FGGY: variants seen among roughly 807,000 people sequenced by gnomAD.
FGGY encodes the protein FGGY carbohydrate kinase domain containing, also known as FGGY carbohydrate kinase domain-containing protein.
A neutral mutation model predicts 71.3 loss-of-function variants in FGGY; 72 were observed. That is an observed-to-expected ratio of 1.01 (90% CI 0.84 to 1.23). The LOEUF (loss-of-function observed/expected upper bound fraction) is 1.23, where lower values mean the gene tolerates loss of function less well. FGGY is among the 50% of genes most tolerant of loss of function. FGGY has a pLI of 0.00. For missense variants in FGGY, 668 were observed against 682.3 expected, an observed-to-expected ratio of 0.98 and a Z score of 0.23; for synonymous variants, 251 against 250.3, an observed-to-expected ratio of 1.00 and a Z score of -0.02.
In FGGY at chr1:59,554,132, G is replaced by A. The variant is rs1181120907; in HGVS notation, c.808G>A (p.Gly270Arg). The A allele has an allele frequency of 2.2e-5, 36 of 1,606,082 alleles. No individual in the cohort carries two copies. Among genetic ancestry groups the A allele is most frequent in the Non-Finnish European group, 3.0e-5 (35 of 1,173,532 alleles). ...DAHAGGLGVI[G>R]ADVRGHGLIC... Reference sequence around the variant, plus strand: ...GTTTTCCTTTCTCACAGGAGTGATTGGGGCAGATGTGAGAGGGCACGGCCT... The same window carrying A: ...GTTTTCCTTTCTCACAGGAGTGATTAGGGCAGATGTGAGAGGGCACGGCCT... Residue 270 changes from glycine (G) to arginine (R), a missense_variant, in exon 8 of 16, where the codon GGG (glycine) becomes AGG (arginine). Gly to Arg is a moderately radical substitution (Grantham distance 125). This residue lies in a region of FGGY where 661 missense variants were observed against 661.6 expected (regional missense o/e 1.00). Transcript: ENST00000303721.
chr1:59,345,130 G>T (rs1453052684), intron 3 of FGGY, among the ~76,000 whole-genome samples: 1 of 152,172 alleles, frequency 6.6e-6, no homozygotes, highest in Non-Finnish European at 1.5e-5. Context: ...GATTAAATGT[G>T]ATGATATGTG....
intron 7 of FGGY, among the ~76,000 whole-genome samples, chr1:59,538,671 A>T (rs972439769): frequency 3.9e-5 from 6 of 152,076 alleles, no homozygotes; most frequent in Non-Finnish European, 8.8e-5. Flanking sequence ...GCCATAAAAA[A>T]GGATGAGTTC....
chr1:59,549,299 C>T (rs566577397), intron 7 of FGGY, among the ~76,000 whole-genome samples: 2 of 152,170 alleles, frequency 1.3e-5, no homozygotes, highest in Admixed American at 6.5e-5. Flanking sequence ...ATCCAAATGA[C>T]TGAATCAAGA....
At chr1:59,748,291 A>G (rs1409483304) in intron 14 of FGGY, among the ~76,000 whole-genome samples, 1 of 152,120 alleles carries the variant, frequency 6.6e-6, no homozygotes, top group Non-Finnish European at 1.5e-5. Flanking sequence ...TCAGATGATG[A>G]TGTGCTATCA....
chr1:59,626,097 T>C (rs368853209), intron 10 of FGGY, 48 bp downstream of exon 10: 4 of 1,527,670 alleles, frequency 2.6e-6, no homozygotes, highest in Non-Finnish European at 3.6e-6. Context: ...TGTGACTGTA[T>C]TGAGAGAATT....
At chr1:59,524,929 G>A (rs760241261) in intron 7 of FGGY, among the ~76,000 whole-genome samples, 6 of 152,228 alleles carry the variant, frequency 3.9e-5, no homozygotes, top group Non-Finnish European at 8.8e-5. Flanking sequence ...CGGCTCACTC[G>A]CTACTTTGTG....
intron 14 of FGGY, among the ~76,000 whole-genome samples, chr1:59,703,592 A>G (rs1337537512): frequency 6.6e-6 from 1 of 152,234 alleles, no homozygotes; most frequent in African/African-American, 2.4e-5. Context: ...GGAAGTCAGC[A>G]TAATGGGAAA....
intron 7 of FGGY, among the ~76,000 whole-genome samples, chr1:59,550,963 T>C (rs956070927): frequency 2.6e-5 from 4 of 152,198 alleles, no homozygotes; most frequent in African/African-American, 9.6e-5. Flanking sequence ...TTACCTTTTA[T>C]GGATGTTGCA....
rs1570577728 is a variant in FGGY, at chr1:59,336,724, A to G, written c.202-3234A>G. Reference sequence around the variant, plus strand: ...TGTTCTCATTGTTCAACTCCCACTTATGAGTGAGAACATGCGGTGTTAGAA... The same window carrying G: ...TGTTCTCATTGTTCAACTCCCACTTGTGAGTGAGAACATGCGGTGTTAGAA... On this transcript the variant is annotated intron_variant, in intron 2 of 15. Coordinates refer to ENST00000303721, the MANE Select transcript of FGGY (RefSeq NM_018291.5). 2.0e-5 allele frequency among the ~76,000 whole-genome samples: 3 copies of G among 152,120 alleles called. No homozygotes were observed. The South Asian group carries it at 6.2e-4, about 32-fold the overall frequency.
rs1015155678 is a variant in FGGY, at chr1:59,591,592, T to A, written c.904-16211T>A. 6.8e-4 allele frequency among the ~76,000 whole-genome samples: 103 copies of A among 152,082 alleles called. 2 individuals carry two copies. Among genetic ancestry groups the A allele is most frequent in the Non-Finnish European group, 1.5e-5 (1 of 68,020 alleles). ...CATGGTACTGGTAACAAAACAGAGA[T>A]ATAGACCAATGTAACAGGACAGAGC... is the stretch of plus-strand genomic sequence containing the variant. On this transcript the variant is annotated intron_variant, in intron 8 of 15. Transcript: ENST00000303721.
At chr1:59,559,847 A>G (rs1258464486) in intron 8 of FGGY, among the ~76,000 whole-genome samples, 6 of 152,338 alleles carry the variant, frequency 3.9e-5, no homozygotes, top group Admixed American at 1.3e-4. Flanking sequence ...AAATATCCAT[A>G]AGACCATACT....
chr1:59,375,147 C>T (rs1370145774), intron 4 of FGGY, among the ~76,000 whole-genome samples: 1 of 150,614 alleles, frequency 6.6e-6, no homozygotes, highest in East Asian at 2.0e-4. Flanking sequence ...GTGTTCCCAG[C>T]TACTCGGGAG....
chr1:59,408,738 AC>A (rs756708079), intron 5 of FGGY, among the ~76,000 whole-genome samples: 9 of 152,146 alleles, frequency 5.9e-5, no homozygotes, highest in Non-Finnish European at 1.2e-4. Flanking sequence ...GGCAGAAAAA[AC>A]AAACGGCTGG....
intron 14 of FGGY, chr1:59,697,885 C>A: frequency 2.7e-6 from 1 of 372,046 alleles, no homozygotes; most frequent in Non-Finnish European, 4.9e-6. Context: ...TCAAATAAGA[C>A]AAGCTTGGGT....
At chr1:59,567,436 G>A (rs923221733) in intron 8 of FGGY, among the ~76,000 whole-genome samples, 4 of 152,100 alleles carry the variant, frequency 2.6e-5, no homozygotes, top group African/African-American at 9.7e-5. Flanking sequence ...CAAAGACTAA[G>A]CCACAATTCT....
chr1:59,329,255 A>G (rs898850798), intron 2 of FGGY, among the ~76,000 whole-genome samples: 4 of 152,226 alleles, frequency 2.6e-5, no homozygotes, highest in African/African-American at 9.6e-5. Context: ...CCCAGCATAC[A>G]TAAATGTTTT....
At chr1:59,485,921 A>G (rs571799657) in intron 6 of FGGY, among the ~76,000 whole-genome samples, 11 of 152,274 alleles carry the variant, frequency 7.2e-5, no homozygotes, top group Admixed American at 7.2e-4. Flanking sequence ...CTTTCTGTAA[A>G]TCACTGTGAT....
At chr1:59,751,889 GTTAGT>G (rs1039743029) in intron 14 of FGGY, among the ~76,000 whole-genome samples, 2 of 152,124 alleles carry the variant, frequency 1.3e-5, no homozygotes, top group African/African-American at 4.8e-5. Context: ...TTTTGTGAGG[GTTAGT>G]TTAAACTAGT....
intron 6 of FGGY, among the ~76,000 whole-genome samples, chr1:59,500,662 C>A (rs572467273): frequency 2.5e-5 from 1 of 40,630 alleles, no homozygotes; most frequent in Non-Finnish European, 4.7e-5. Context: ...TGCCTTCTTG[C>A]CAAAAAAAAA....
Sources: gnomAD v4.1 joint callset for allele counts (sites outside exome capture counted in the v4.1 genomes callset) on GRCh38, gnomAD v4.1.1 for gene constraint, gnomAD v4.1.1 regional missense constraint, MANE v1.5 for transcripts, NCBI Gene and HGNC (gene_info 2026-07-23, HGNC 2026-07-21) for gene names.